Variants in PACRG observed in about 807,000 individuals in gnomAD.
PACRG encodes parkin coregulated.
In PACRG, 29 loss-of-function variants were observed where a neutral mutation model predicts 29.7. The observed-to-expected ratio is 0.98, with a 90% CI of 0.73 to 1.33. The LOEUF is 1.33. PACRG is among the 40% of genes most tolerant of loss of function. PACRG has a pLI of 0.00. For synonymous variants in PACRG, 116 were observed against 118.7 expected (o/e 0.98, Z 0.15); for missense variants, 279 against 316.2 (o/e 0.88, Z 0.89).
intron 4 of PACRG, among the ~76,000 whole-genome samples, chr6:163,218,840 C>T (rs950447284): frequency 1.1e-4 from 17 of 152,226 alleles, no homozygotes; most frequent in African/African-American, 3.9e-4. Context: ...CAACAGGGGA[C>T]AGCTTTGCCC....
At chr6:163,312,140 A>G (rs918792369) in intron 4 of PACRG, among the ~76,000 whole-genome samples, 2 of 152,180 alleles carry the variant, frequency 1.3e-5, no homozygotes, top group Admixed American at 1.3e-4. Context: ...TGTCCTATGC[A>G]AACAGGCCAT....
chr6:162,803,948 A>G (rs1786095253), intron 1 of PACRG, among the ~76,000 whole-genome samples: 1 of 152,188 alleles, frequency 6.6e-6, no homozygotes, highest in South Asian at 2.1e-4. Context: ...AATAGGCAAA[A>G]AATTGAAATA....
chr6:162,763,071 C>A (rs1782500982), intron 1 of PACRG, among the ~76,000 whole-genome samples: 1 of 152,178 alleles, frequency 6.6e-6, no homozygotes, highest in South Asian at 2.1e-4. Flanking sequence ...TTAGGACTTG[C>A]CTCACACAAA....
intron 3 of PACRG, among the ~76,000 whole-genome samples, chr6:163,086,241 G>C (rs1159959214): frequency 1.3e-5 from 2 of 152,232 alleles, no homozygotes; most frequent in Non-Finnish European, 2.9e-5. Context: ...ACAGCTTTTA[G>C]ATCAGATAAG....
intron 4 of PACRG, among the ~76,000 whole-genome samples, chr6:163,306,832 C>G (rs1238846700): frequency 6.6e-6 from 1 of 152,038 alleles, no homozygotes; most frequent in African/African-American, 2.4e-5. Context: ...AATGCTTATT[C>G]CAAAGTTACA....
chr6:162,864,669 T>G (rs9365501), intron 2 of PACRG, among the ~76,000 whole-genome samples: 48,453 of 152,014 alleles, frequency 0.32, 7,837 homozygotes, highest in South Asian at 0.41. Flanking sequence ...GAAAGTTTAA[T>G]TTTCACTAAA....
At chr6:163,036,583 G>A (rs1808209066) in intron 2 of PACRG, among the ~76,000 whole-genome samples, 1 of 152,178 alleles carries the variant, frequency 6.6e-6, no homozygotes, top group Non-Finnish European at 1.5e-5. Flanking sequence ...GCCTTTGGGC[G>A]AGTCATTTTA....
intron 4 of PACRG, among the ~76,000 whole-genome samples, chr6:163,159,980 G>T (rs1411611369): frequency 6.6e-6 from 1 of 152,082 alleles, no homozygotes; most frequent in Non-Finnish European, 1.5e-5. Context: ...TCCGACAGAG[G>T]CTGGCTTTCC....
chr6:163,214,715 C>T (rs1781294123), intron 4 of PACRG, among the ~76,000 whole-genome samples: 1 of 151,890 alleles, frequency 6.6e-6, no homozygotes, highest in Non-Finnish European at 1.5e-5. Context: ...GGGTAATTCT[C>T]TTTATGTTTT....
At chr6:163,137,577 C>G (rs1033627001) in intron 4 of PACRG, among the ~76,000 whole-genome samples, 8 of 152,146 alleles carry the variant, frequency 5.3e-5, no homozygotes, top group Non-Finnish European at 7.3e-5. Context: ...CCTCCCCTGG[C>G]TCTCGAGAAC....
At chr6:162,786,338 A>C (rs2128319545) in intron 1 of PACRG, among the ~76,000 whole-genome samples, 1 of 152,138 alleles carries the variant, frequency 6.6e-6, no homozygotes, top group East Asian at 1.9e-4. Context: ...GAGACTAATT[A>C]CTCTTAACGA....
chr6:162,852,950 A>G (rs1791051093), intron 2 of PACRG, among the ~76,000 whole-genome samples: 1 of 152,218 alleles, frequency 6.6e-6, no homozygotes, highest in Non-Finnish European at 1.5e-5. Flanking sequence ...TTTGCTGCCC[A>G]GCCGTCAAAG....
intron 4 of PACRG, among the ~76,000 whole-genome samples, chr6:163,230,419 A>G (rs1288257176): frequency 6.6e-6 from 1 of 152,328 alleles, no homozygotes; most frequent in East Asian, 1.9e-4. Flanking sequence ...AAAACATCCG[A>G]AAGAGATCCT....
At chr6:163,248,782 A>C (rs1332750126) in intron 4 of PACRG, among the ~76,000 whole-genome samples, 4 of 152,200 alleles carry the variant, frequency 2.6e-5, no homozygotes, top group Admixed American at 6.5e-5. Flanking sequence ...AGGGAGGCCA[A>C]GGCGGCCAGA....
At chr6:163,227,810 G>T (rs1781864686) in intron 4 of PACRG, among the ~76,000 whole-genome samples, 1 of 152,154 alleles carries the variant, frequency 6.6e-6, no homozygotes, top group African/African-American at 2.4e-5. Flanking sequence ...CACAACTTGG[G>T]TGTTATTAGC....
intron 2 of PACRG, among the ~76,000 whole-genome samples, chr6:163,050,344 G>A (rs1809867388): frequency 6.6e-6 from 1 of 152,026 alleles, no homozygotes; most frequent in South Asian, 2.1e-4. Flanking sequence ...TTTCAAGGCA[G>A]AGATATTACC....
chr6:162,740,747 G>A (rs1023255786), intron 1 of PACRG, among the ~76,000 whole-genome samples: 9 of 151,296 alleles, frequency 5.9e-5, no homozygotes, highest in Admixed American at 1.3e-4. Context: ...CTACAGGCCC[G>A]CGCCACCACG....
At chr6:162,755,347 A>G (rs574163905) in intron 1 of PACRG, among the ~76,000 whole-genome samples, 13 of 151,596 alleles carry the variant, frequency 8.6e-5, no homozygotes, top group Non-Finnish European at 1.6e-4. Flanking sequence ...GTTGGTTTGT[A>G]TTTCTCTTTT....
chr6:162,891,345 G>C (rs774555404), intron 2 of PACRG, among the ~76,000 whole-genome samples: 1 of 152,162 alleles, frequency 6.6e-6, no homozygotes, highest in African/African-American at 2.4e-5. Context: ...CTTAGGGAAG[G>C]TTGGCTCTAA....
Sources: gnomAD v4.1 joint callset for allele counts (sites outside exome capture counted in the v4.1 genomes callset) on GRCh38, gnomAD v4.1.1 for gene constraint, MANE v1.5 for transcripts, NCBI Gene and HGNC (gene_info 2026-07-23, HGNC 2026-07-21) for gene names.